Variants in CCP110 observed in about 807,000 individuals in gnomAD.
CCP110 encodes the protein centriolar coiled-coil protein 110, also known as centriolar coiled-coil protein of 110 kDa.
In CCP110, 43 loss-of-function variants were observed where a neutral mutation model predicts 105.5. The ratio of observed to expected loss-of-function variants is 0.41; its 90% CI spans 0.32 to 0.53. The LOEUF is 0.53. Among genes scored for constraint, CCP110 ranks in the 20% least tolerant of loss-of-function variants. The pLI is 0.32. For missense variants in CCP110, 1,016 were observed against 1,189.1 expected (o/e 0.85, Z 2.14); for synonymous variants, 353 against 392.1 (o/e 0.90, Z 1.18).
Position 19,551,238 on chromosome 16 carries a change from C to T in CCP110, c.3029C>T (p.Ala1010Val), listed in dbSNP as rs374369419. Residue 1010 changes from alanine (A) to valine (V), a missense_variant, in exon 15 of 15, where the codon GCG (alanine) becomes GTG (valine). Ala to Val is a moderately conservative substitution (Grantham distance 64). Coordinates refer to ENST00000381396, the Ensembl canonical transcript of CCP110. The stretch of plus-strand genomic sequence containing the variant: ...ATCCAAAGAAAGCGGCCAAATGTTG[C>T]GACAATTTAAGAAGACAACATTCAT... 1.1e-5 allele frequency: 17 copies of T among 1,611,722 alleles called. No individual in the cohort carries two copies. The highest frequency in any genetic ancestry group is 6.7e-5 in the African/African-American group (5 of 74,856).
chr16:19,541,676 GAGAGAGAA>G (rs1970289009), intron 5 of CCP110, among the ~76,000 whole-genome samples: 1 of 140,110 alleles, frequency 7.1e-6, no homozygotes, highest in African/African-American at 2.7e-5. Flanking sequence ...GAGAGAGAGA[GAGAGAGAA>G]AGGAAGGAAG....
At chr16:19,546,588 G>A (rs557717245) in intron 12 of CCP110, 114 bp downstream of exon 12, 27 of 603,084 alleles carry the variant, frequency 4.5e-5, no homozygotes, top group Admixed American at 1.2e-4. Flanking sequence ...AGGCCAAGAC[G>A]GATGGATCAC....
rs762998961 is a variant in CCP110, at chr16:19,537,426, G to A, written c.1757G>A (p.Arg586Gln). 17 of 1,613,478 alleles carry A rather than the reference G, an allele frequency of 1.1e-5. No individual in the cohort carries two copies. In the Admixed American group the frequency reaches 1.5e-4, roughly 14 times the overall value. ...GATAACAGTTTTGAGAAAGTTAAAC[G>A]GAGACTTGATTTAGATATTGATGGT... The change falls in exon 4 of 15, where the codon CGG (arginine) becomes CAG (glutamine). Residue 586 changes from arginine (R) to glutamine (Q), a missense_variant. Arg to Gln is a conservative substitution (Grantham distance 43). Transcript: ENST00000381396.
At chr16:19,543,665 A>G (rs542742380) in intron 8 of CCP110, among the ~76,000 whole-genome samples, 1 of 152,304 alleles carries the variant, frequency 6.6e-6, no homozygotes, top group South Asian at 2.1e-4. Context: ...AGCAAGGAAT[A>G]TTAATAATTA....
At chr16:19,547,747 A>T (rs1189698504) in intron 12 of CCP110, 4 of 494,956 alleles carry the variant, frequency 8.1e-6, no homozygotes, top group Non-Finnish European at 1.4e-5. Context: ...TGCTGATAAA[A>T]ACCTAAGGTT....
At chr16:19,530,385 T>C (rs1969820937) in intron 2 of CCP110, among the ~76,000 whole-genome samples, 1 of 152,100 alleles carries the variant, frequency 6.6e-6, no homozygotes, top group Non-Finnish European at 1.5e-5. Flanking sequence ...TTTGGAATTC[T>C]TTGAAGATAG....
intron 12 of CCP110, chr16:19,546,812 T>A (rs1380100734): frequency 1.5e-5 from 2 of 132,870 alleles, no homozygotes. Flanking sequence ...TGAAACTCTA[T>A]CTCAAAAAAA....
exon 5 of CCP110, chr16:19,540,784 A>G: frequency 1.2e-6 from 2 of 1,611,584 alleles, no homozygotes; most frequent in South Asian, 1.1e-5. Context: ...AAAGACTGCA[A>G]AAGGTGAGGA....
exon 15 of CCP110, chr16:19,552,752 G>A (rs1019977374): frequency 6.6e-6 from 1 of 152,062 alleles, no homozygotes; most frequent in Non-Finnish European, 1.5e-5. Context: ...TTAAGAATAT[G>A]GAGATGAAGA....
intron 4 of CCP110, 134 bp downstream of exon 4, chr16:19,537,721 TA>T: frequency 1.7e-6 from 1 of 577,432 alleles, no homozygotes; most frequent in South Asian, 2.4e-5. Flanking sequence ...TTAGAAAGCA[TA>T]TTAGTCAGCT....
At chr16:19,545,054 T>C in intron 9 of CCP110, 40 bp from the exon 10 acceptor site, 4 of 1,254,518 alleles carry the variant, frequency 3.2e-6, no homozygotes, top group Non-Finnish European at 4.6e-6. Context: ...TCTAACCTCA[T>C]CTTTTAAATG....
intron 1 of CCP110, among the ~76,000 whole-genome samples, chr16:19,524,507 C>G (rs2151455974): frequency 6.6e-6 from 1 of 152,256 alleles, no homozygotes; most frequent in Admixed American, 6.5e-5. Context: ...TGTGCATTGG[C>G]CATTTATGAG....
chr16:19,534,910 G>A lies in CCP110; in HGVS notation c.271-1030G>A, dbSNP rs1010263171. On this transcript the variant is annotated intron_variant, in intron 3 of 14. Coordinates refer to ENST00000381396, the Ensembl canonical transcript of CCP110. Reference sequence around the variant, plus strand: ...TTTTTTTTTTTTCTGAGATGGAGTCGCGCTCTGTCGCCCAGGCCGGAGTGC... The same window carrying A: ...TTTTTTTTTTTTCTGAGATGGAGTCACGCTCTGTCGCCCAGGCCGGAGTGC... Among the ~76,000 whole-genome samples, 3 of 131,270 alleles carry A rather than the reference G, an allele frequency of 2.3e-5. No individual in the cohort carries two copies. The East Asian group carries it at 6.6e-4, about 29-fold the overall frequency. The allele number at this position is 131,270 out of a possible 152,430, so 86.1% of individuals were successfully genotyped here. A position where few individuals can be genotyped will look rare whatever the true frequency, so the allele number is the denominator to read the frequency against.
chr16:19,531,767 A>G (rs1969876313), intron 2 of CCP110, among the ~76,000 whole-genome samples: 1 of 152,208 alleles, frequency 6.6e-6, no homozygotes, highest in African/African-American at 2.4e-5. Flanking sequence ...GGAGTTCGAG[A>G]CCAGCCTGAC....
chr16:19,531,473 A>C (rs1969864497), intron 2 of CCP110, among the ~76,000 whole-genome samples: 1 of 152,224 alleles, frequency 6.6e-6, no homozygotes, highest in East Asian at 1.9e-4. Flanking sequence ...GAAGCCTTCC[A>C]TTTTTTAGGT....
chr16:19,533,320 G>A (rs1486279737), intron 3 of CCP110, among the ~76,000 whole-genome samples: 1 of 152,102 alleles, frequency 6.6e-6, no homozygotes, highest in Non-Finnish European at 1.5e-5. Flanking sequence ...AGTCTCAATC[G>A]ATTTAGAGGT....
rs916909808 is a variant in CCP110 at position 19,548,915 on chromosome 16, G to A, written c.2986+315G>A. The stretch of plus-strand genomic sequence containing the variant: ...TTTTATTTAATGAATAAAAGATAAC[G>A]ATCATCTCTGGTGCTAAGTCTGTGC... On this transcript the variant is annotated intron_variant, in intron 14 of 14. Coordinates refer to ENST00000381396, the Ensembl canonical transcript of CCP110. This position sits in a 1 kb window ranked among gnomAD's most constrained non-coding sequence, Gnocchi z 4.1. 1.3e-5 allele frequency among the ~76,000 whole-genome samples: 2 copies of A among 152,100 alleles called. No homozygotes were observed. Among genetic ancestry groups the A allele is most frequent in the African/African-American group, 4.8e-5 (2 of 41,414 alleles).
intron 8 of CCP110, among the ~76,000 whole-genome samples, chr16:19,544,107 T>G (rs1970381010): frequency 6.6e-6 from 1 of 152,180 alleles, no homozygotes; most frequent in South Asian, 2.1e-4. Flanking sequence ...GTCCTACCAA[T>G]ATGTGATGTC....
intron 3 of CCP110, among the ~76,000 whole-genome samples, chr16:19,534,226 G>A (rs111351419): frequency 2.3e-3 from 347 of 152,198 alleles, no homozygotes; most frequent in African/African-American, 8.0e-3. Context: ...TAAGAGGTAG[G>A]TTTTTTACTT....
Sources: gnomAD v4.1 joint callset for allele counts (sites outside exome capture counted in the v4.1 genomes callset) on GRCh38, gnomAD v4.1.1 for gene constraint, Gnocchi (gnomAD v3.1) non-coding constraint, MANE v1.5 for transcripts, NCBI Gene and HGNC (gene_info 2026-07-23, HGNC 2026-07-21) for gene names.